The following EIF4G2 variants were observed in gnomAD, a reference collection of about 807,000 sequenced individuals.
EIF4G2 encodes eukaryotic translation initiation factor 4 gamma 2.
In EIF4G2, 8 loss-of-function variants were observed where a neutral mutation model predicts 117.7. The ratio of observed to expected loss-of-function variants is 0.07; its 90% confidence interval spans 0.04 to 0.12. The LOEUF (loss-of-function observed/expected upper bound fraction) is 0.12. EIF4G2 is among the 10% of genes least tolerant of loss of function. EIF4G2 has a pLI of 1.00. For missense variants in EIF4G2, 812 were observed against 1,086.2 expected, an observed-to-expected ratio of 0.75 and a Z score of 3.55; for synonymous variants, 413 against 367.8, an observed-to-expected ratio of 1.12 and a Z score of -1.41.
rs376221635 is a variant in EIF4G2, at chr11:10,803,617, A to C, written c.703-27T>G. 1.3e-6 allele frequency: 2 copies of C among 1,584,980 alleles called. No individual in the cohort carries two copies. Among genetic ancestry groups the C allele is most frequent in the Non-Finnish European group, 1.7e-6 (2 of 1,155,802 alleles). ...TACAAGAATAAAAGGCCATGGTGAC[A>C]AAGTTTTAGTTACTCTGGTTTAGGC... On this transcript the variant is annotated intron_variant, in intron 8 of 21. Coordinates refer to ENST00000339995, the MANE Select transcript of EIF4G2 (RefSeq NM_001418.4). The surrounding 1 kb of genome is among the most constrained non-coding windows in gnomAD (Gnocchi z 4.0).
rs1403487578 is a variant in EIF4G2, at chr11:10,800,412, C to T, written c.1860+20G>A. ...TTGAGTGGTAAGAGTTCTTACCACA[C>T]AATCAGTAAAGTGTCCTACCTGCAT... On this transcript the variant is annotated intron_variant, in intron 17 of 21. Transcript: ENST00000339995. 1 of 1,613,632 alleles carries T rather than the reference C, an allele frequency of 6.2e-7. No homozygotes were observed.
rs184263734 is a variant in EIF4G2, at chr11:10,797,569, A to G, written c.*247T>C. ...GCCTCTGCTTGAGAACTTATGATGTAATTATTGCATGCTGCTAATATACTA... is the reference window on the plus strand; with the variant it reads ...GCCTCTGCTTGAGAACTTATGATGTGATTATTGCATGCTGCTAATATACTA... On this transcript the variant is annotated 3_prime_UTR_variant, in exon 22 of 22. Coordinates refer to ENST00000339995, the MANE Select transcript of EIF4G2 (RefSeq NM_001418.4). This position sits in a 1 kb window ranked among gnomAD's most constrained non-coding sequence, Gnocchi z 4.5. 10 of 463,238 alleles carry G rather than the reference A, an allele frequency of 2.2e-5. No homozygotes were observed. The highest frequency in any genetic ancestry group is 2.0e-4 in the Admixed American group (5 of 25,570). 28.7% of individuals were successfully genotyped at this position (463,238 alleles called of 1,614,324 possible).
intron 1 of EIF4G2, chr11:10,807,863 G>A (rs1847631046): frequency 4.0e-6 from 4 of 989,610 alleles, no homozygotes; most frequent in Admixed American, 6.1e-5. Flanking sequence ...AGAGGGGGCC[G>A]GGTGTACAGG....
At position 10,803,980 on chromosome 11, in the gene EIF4G2, C is replaced by A. The variant is rs753134666; in HGVS notation, c.621G>T (p.Met207Ile). 6.2e-7 allele frequency: 1 copy of A among 1,614,156 alleles called. No homozygotes were observed. The highest frequency in any genetic ancestry group is 8.5e-7 in the Non-Finnish European group (1 of 1,180,040). Residue 207 changes from methionine to isoleucine, a missense_variant, in exon 8 of 22, where the codon ATG becomes ATT. This residue lies in a region of EIF4G2 where 154 missense variants were observed against 322.1 expected (regional missense o/e 0.48). Transcript: ENST00000339995. The surrounding 1 kb of genome is among the most constrained non-coding windows in gnomAD (Gnocchi z 4.0). ...CTCCAATGAATTTGATGTTTCCCAA[C>A]ATCTTGATCTTAGCAATGGCTCTCT...
In EIF4G2 at chr11:10,797,193, C is replaced by CA. The variant is rs1450296148; in HGVS notation, c.*622dup. The CA allele has an allele frequency of 1.3e-5, 2 of 152,612 alleles. No homozygotes were observed. Among genetic ancestry groups the CA allele is most frequent in the Admixed American group, 1.3e-4 (2 of 15,282 alleles). 9.5% of individuals were successfully genotyped at this position (152,612 alleles called of 1,614,324 possible). A position where few individuals can be genotyped will look rare whatever the true frequency, so the allele number is the denominator to read the frequency against. ...ATTCTCACCATTTGTTTCACACCCACAAAAACCACTTCAAGGGCATTAACG... is the reference window on the plus strand; with the variant it reads ...ATTCTCACCATTTGTTTCACACCCACAAAAAACCACTTCAAGGGCATTAACG... On this transcript the variant is annotated 3_prime_UTR_variant, in exon 22 of 22. Coordinates refer to ENST00000339995, the MANE Select transcript of EIF4G2 (RefSeq NM_001418.4). The surrounding 1 kb of genome is among the most constrained non-coding windows in gnomAD (Gnocchi z 4.5).
rs1402972482 is a variant in EIF4G2, at chr11:10,801,466, C to T, written c.1413+195G>A. Reference sequence around the variant, plus strand: ...TCTTGCTCTAACAGACTTTAGGAGACTTGCCCTCATATCTCATAATCTTCG... The same window carrying T: ...TCTTGCTCTAACAGACTTTAGGAGATTTGCCCTCATATCTCATAATCTTCG... On this transcript the variant is annotated intron_variant, in intron 14 of 21. Transcript: ENST00000339995. The T allele has an allele frequency of 1.1e-5, 8 of 739,842 alleles. No individual in the cohort carries two copies. The East Asian group carries it at 1.3e-4, about 12-fold the overall frequency. The allele number at this position is 739,842 out of a possible 1,614,324, so 45.8% of individuals were successfully genotyped here. A position where few individuals can be genotyped will look rare whatever the true frequency, so the allele number is the denominator to read the frequency against.
At position 10,805,020 on chromosome 11, in the gene EIF4G2, AG is replaced by A. The variant is rs777308743; in HGVS notation, c.249-6del. The A allele has an allele frequency of 2.5e-6, 4 of 1,606,150 alleles. No homozygotes were observed. In the South Asian group the frequency reaches 4.4e-5, roughly 18 times the overall value. ...GGAGTAAGCTTATTTAGTATGCTGG[AG>A]AAAAAGGAATTACATTTTAAGTGTT... On this transcript the variant is annotated splice_polypyrimidine_tract_variant and splice_region_variant and intron_variant, in intron 4 of 21. Coordinates refer to ENST00000339995, the MANE Select transcript of EIF4G2 (RefSeq NM_001418.4).
At chr11:10,804,870 A>G (rs774971379) in intron 5 of EIF4G2, 43 bp downstream of exon 5, 5 of 1,512,298 alleles carry the variant, frequency 3.3e-6, no homozygotes, top group Non-Finnish European at 3.7e-6. Context: ...TTTGTTAAAC[A>G]GTTCCCTCTC....
chr11:10,807,878 G>C, intron 1 of EIF4G2: 1 of 1,008,342 alleles, frequency 9.9e-7, no homozygotes, highest in Non-Finnish European at 1.2e-6. Flanking sequence ...TACAGGACTA[G>C]CACTTGCAGG....
intron 14 of EIF4G2, 38 bp from the exon 15 acceptor site, chr11:10,801,125 T>TG (rs755326493): frequency 3.4e-5 from 55 of 1,611,652 alleles, no homozygotes; most frequent in Admixed American, 8.4e-5. Flanking sequence ...ATTAACAACA[T>TG]GCAGTTGGCG....
chr11:10,804,874 C>A, intron 5 of EIF4G2, 39 bp downstream of exon 5: 1 of 1,527,488 alleles, frequency 6.5e-7, no homozygotes, highest in Non-Finnish European at 9.1e-7. Context: ...TTAAACAGTT[C>A]CCTCTCCCTT....
At chr11:10,801,901 A>G in intron 13 of EIF4G2, 127 bp from the exon 14 acceptor site, 1 of 1,123,308 alleles carries the variant, frequency 8.9e-7, no homozygotes, top group South Asian at 1.5e-5. Flanking sequence ...AAAGTAAAAG[A>G]TGAAACAGGG....
chr11:10,798,851 G>A (rs1847338835), intron 21 of EIF4G2, 141 bp downstream of exon 21: 1 of 969,472 alleles, frequency 1.0e-6, no homozygotes. Context: ...GCTTCAAATA[G>A]TGCAGAATGA....
Position 10,799,019 on chromosome 11 carries a change from A to G in EIF4G2, c.2631T>C (p.Phe877=), listed in dbSNP as rs374768118. The G allele has an allele frequency of 6.2e-7, 1 of 1,611,056 alleles. No homozygotes were observed. The highest frequency in any genetic ancestry group is 8.5e-7 in the Non-Finnish European group (1 of 1,179,242). The change falls in exon 21 of 22, where the codon TTT becomes TTC. Residue 877 remains phenylalanine (F), a synonymous_variant. Transcript: ENST00000339995. Reference sequence around the variant, plus strand: ...GGAACAAAGCCTTGCCTTTTCCCGGAAACTCTTGGGTTATATCTTCTTTCC... The same window carrying G: ...GGAACAAAGCCTTGCCTTTTCCCGGGAACTCTTGGGTTATATCTTCTTTCC...
At chr11:10,799,925 T>C (rs1339563138) in intron 18 of EIF4G2, 165 bp downstream of exon 18, 6 of 1,142,870 alleles carry the variant, frequency 5.2e-6, no homozygotes, top group South Asian at 3.2e-5. Flanking sequence ...CAAATGAAAG[T>C]AGTTAAATTA....
Position 10,802,173 on chromosome 11 carries a change from T to C in EIF4G2, c.1175A>G (p.Asp392Gly). 1 of 1,614,234 alleles carries C rather than the reference T, an allele frequency of 6.2e-7. No individual in the cohort carries two copies. Among genetic ancestry groups the C allele is most frequent in the Non-Finnish European group, 8.5e-7 (1 of 1,180,046 alleles). ...ACGTCCCATGGTGGGTGAAAATCTA[T>C]CCTGGATAACTCCTGGACCAGTACC... The change falls in exon 13 of 22, where the codon GAT becomes GGT. Residue 392 changes from aspartate to glycine, a missense_variant. Asp to Gly is a moderately conservative substitution (Grantham distance 94, BLOSUM62 -1). Transcript: ENST00000339995.
chr11:10,802,996 T>C, intron 11 of EIF4G2, 34 bp downstream of exon 11: 1 of 1,590,884 alleles, frequency 6.3e-7, no homozygotes, highest in Non-Finnish European at 8.6e-7. Flanking sequence ...ACACACAGAG[T>C]CTATGTGACA....
chr11:10,804,778 C>T (rs979373675), intron 5 of EIF4G2, 135 bp downstream of exon 5: 1 of 689,118 alleles, frequency 1.5e-6, no homozygotes, highest in Admixed American at 2.8e-5. Flanking sequence ...TAATCACCAT[C>T]AGTATTCAAA....
chr11:10,804,775 C>T lies in EIF4G2; in HGVS notation c.351+138G>A. 3 of 680,536 alleles carry T rather than the reference C, an allele frequency of 4.4e-6. No homozygotes were observed. The South Asian group carries it at 5.9e-5, about 13-fold the overall frequency. The allele number at this position is 680,536 out of a possible 1,614,324, so 42.2% of individuals were successfully genotyped here. A position where few individuals can be genotyped will look rare whatever the true frequency, so the allele number is the denominator to read the frequency against. ...AAAGTCAGTGGTTCTTTTTAATCAC[C>T]ATCAGTATTCAAAAATACATACCTA... On this transcript the variant is annotated intron_variant, in intron 5 of 21. Coordinates refer to ENST00000339995, the MANE Select transcript of EIF4G2 (RefSeq NM_001418.4).
Sources: gnomAD v4.1 joint callset for allele counts on GRCh38, gnomAD v4.1.1 for gene constraint, gnomAD v4.1.1 regional missense constraint, Gnocchi (gnomAD v3.1) non-coding constraint, MANE v1.5 for transcripts, NCBI Gene and HGNC (gene_info 2026-07-23, HGNC 2026-07-21) for gene names.